ZNF251: variants seen among roughly 807,000 people sequenced by gnomAD.
ZNF251 encodes zinc finger protein 251.
A neutral mutation model predicts 13.5 loss-of-function variants in ZNF251; 14 were observed. That is an observed-to-expected ratio of 1.04 (90% CI 0.69 to 1.63). The LOEUF (loss-of-function observed/expected upper bound fraction) is 1.63. Among genes scored for constraint, ZNF251 ranks in the 40% most tolerant of loss-of-function variants. The pLI is 0.00. For missense variants in ZNF251, 764 were observed against 834.9 expected (o/e 0.92, Z 1.05); for synonymous variants, 287 against 295.2 (o/e 0.97, Z 0.28).
chr8:144,746,447 T>C (rs560796116), intron 4 of ZNF251, among the ~76,000 whole-genome samples: 3 of 152,364 alleles, frequency 2.0e-5, no homozygotes, highest in South Asian at 4.1e-4. Flanking sequence ...GTCTGTAGTT[T>C]CCTTTTCTTG....
At chr8:144,730,895 C>G (rs1481472186) in intron 4 of ZNF251, among the ~76,000 whole-genome samples, 2 of 152,244 alleles carry the variant, frequency 1.3e-5, no homozygotes, top group Non-Finnish European at 2.9e-5. Context: ...CTGACAAGAT[C>G]TTACTCAAGA....
At position 144,721,586 on chromosome 8, in the gene ZNF251, C is replaced by T; in HGVS notation, c.*58G>A. ...AGACCTTATATATCTTTCATTATGC[C>T]ATCTTATCTTCTAATGTCAAGTGAA... On this transcript the variant is annotated 3_prime_UTR_variant, in exon 5 of 5. Coordinates refer to ENST00000292562, the MANE Select transcript of ZNF251 (RefSeq NM_138367.2). The T allele has an allele frequency of 7.7e-7, 1 of 1,292,558 alleles. No individual in the cohort carries two copies. The highest frequency in any genetic ancestry group is 2.8e-5 in the East Asian group (1 of 35,818). 80.1% of individuals were successfully genotyped at this position (1,292,558 alleles called of 1,614,324 possible).
At chr8:144,748,432 T>G (rs151145206) in intron 4 of ZNF251, among the ~76,000 whole-genome samples, 5 of 152,362 alleles carry the variant, frequency 3.3e-5, no homozygotes, top group South Asian at 2.1e-4. Flanking sequence ...TTATGTTTTG[T>G]GTCTAAAGTA....
At chr8:144,738,478 C>A (rs566198090) in intron 4 of ZNF251, 1 of 888,674 alleles carries the variant, frequency 1.1e-6, no homozygotes, top group Non-Finnish European at 1.3e-6. Flanking sequence ...ATGGCAACTG[C>A]GGGACCAGGC....
At chr8:144,730,373 AC>A (rs1823658708) in intron 4 of ZNF251, among the ~76,000 whole-genome samples, 1 of 118,672 alleles carries the variant, frequency 8.4e-6, no homozygotes, top group African/African-American at 3.2e-5. Flanking sequence ...CGGGGGTGAC[AC>A]TGGCATGTGA....
intron 2 of ZNF251, 36 bp from the exon 3 acceptor site, chr8:144,754,357 C>T: frequency 6.4e-7 from 1 of 1,553,088 alleles, no homozygotes. Flanking sequence ...AGGCCATGCC[C>T]ACGGGGCAGC....
At chr8:144,738,281 C>A (rs1245064675) in intron 4 of ZNF251, among the ~76,000 whole-genome samples, 5 of 152,186 alleles carry the variant, frequency 3.3e-5, no homozygotes, top group Non-Finnish European at 7.3e-5. Flanking sequence ...CTGAACTCAA[C>A]AAGCCCCAAA....
chr8:144,750,347 G>A (rs1824636679), intron 4 of ZNF251, among the ~76,000 whole-genome samples: 2 of 152,160 alleles, frequency 1.3e-5, no homozygotes, highest in African/African-American at 2.4e-5. Context: ...GCTCAGTCTT[G>A]CTGAGCTTGT....
Position 144,724,026 on chromosome 8 carries a change from G to A in ZNF251, c.278-644C>T, listed in dbSNP as rs552466584. On this transcript the variant is annotated intron_variant, in intron 4 of 4. Transcript: ENST00000292562. Reference sequence around the variant, plus strand: ...TGGGAGGCCGAGGTGGGCGGATCACGAGGTCAGGAGATCGAGACCATCCTG... The same window carrying A: ...TGGGAGGCCGAGGTGGGCGGATCACAAGGTCAGGAGATCGAGACCATCCTG... 2.0e-5 allele frequency among the ~76,000 whole-genome samples: 3 copies of A among 152,196 alleles called. No individual in the cohort carries two copies. The South Asian group carries it at 6.2e-4, about 32-fold the overall frequency.
intron 4 of ZNF251, among the ~76,000 whole-genome samples, chr8:144,731,303 C>T (rs1193359189): frequency 3.3e-5 from 5 of 152,160 alleles, no homozygotes; most frequent in Non-Finnish European, 5.9e-5. Flanking sequence ...TGCAGTTCTT[C>T]GTCTTCCTCC....
intron 1 of ZNF251, 95 bp downstream of exon 1, chr8:144,755,310 C>T: frequency 2.3e-6 from 3 of 1,278,852 alleles, no homozygotes; most frequent in Non-Finnish European, 3.0e-6. Flanking sequence ...AGAACAGGCT[C>T]CTCCTGGACT....
chr8:144,722,327 T>TC lies in ZNF251; in HGVS notation c.1332dup (p.Ser445GlufsTer21). ...CTTCGATGCTGAACAAGAGTGGAAC[T>TC]CCGACGAAAGGCTTTGCCGCACTCA... On this transcript the variant is annotated frameshift_variant, in exon 5 of 5. Transcript: ENST00000292562. LOFTEE classifies it low-confidence loss of function (END_TRUNC). This position sits in a 1 kb window ranked among gnomAD's most constrained non-coding sequence, Gnocchi z 4.8. 6.2e-7 allele frequency: 1 copy of TC among 1,613,932 alleles called. No individual in the cohort carries two copies. The highest frequency in any genetic ancestry group is 1.6e-4 in the Middle Eastern group (1 of 6,062).
At chr8:144,753,071 A>C (rs1475591784) in intron 4 of ZNF251, among the ~76,000 whole-genome samples, 1 of 151,998 alleles carries the variant, frequency 6.6e-6, no homozygotes, top group African/African-American at 2.4e-5. Flanking sequence ...TCAAGAATTT[A>C]AGACCAGTTT....
At chr8:144,751,587 A>C (rs942808755) in intron 4 of ZNF251, among the ~76,000 whole-genome samples, 1 of 152,222 alleles carries the variant, frequency 6.6e-6, no homozygotes, top group African/African-American at 2.4e-5. Context: ...GCAAATAATA[A>C]AATTTAAATG....
At position 144,745,188 on chromosome 8, in the gene ZNF251, C is replaced by CTTTT. The variant is rs746070716; in HGVS notation, c.277+8491_277+8494dup. Among the ~76,000 whole-genome samples the CTTTT allele has an allele frequency of 7.5e-4, 86 of 114,604 alleles. 1 individual carries two copies. In the East Asian group the frequency reaches 0.016, roughly 22 times the overall value. The allele number at this position is 114,604 out of a possible 152,430, so 75.2% of individuals were successfully genotyped here. A position where few individuals can be genotyped will look rare whatever the true frequency, so the allele number is the denominator to read the frequency against. On this transcript the variant is annotated intron_variant, in intron 4 of 4. Transcript: ENST00000292562. ...ATTTTTTGTGATGGGTGTCTAGATTCTTTTTTTTTTTTTTTTTTTGGCACG... is the reference window on the plus strand; with the variant it reads ...ATTTTTTGTGATGGGTGTCTAGATTCTTTTTTTTTTTTTTTTTTTTTTTGGCACG...
intron 4 of ZNF251, among the ~76,000 whole-genome samples, chr8:144,728,983 G>A (rs537279967): frequency 6.0e-5 from 9 of 150,960 alleles, no homozygotes; most frequent in Admixed American, 6.0e-4. Context: ...AGCTACTTGG[G>A]AGGCTGAGGC....
chr8:144,736,424 G>A (rs1210779738), intron 4 of ZNF251, among the ~76,000 whole-genome samples: 2 of 151,916 alleles, frequency 1.3e-5, no homozygotes, highest in South Asian at 4.2e-4. Flanking sequence ...AGGGAATCAC[G>A]AACAAACCCT....
In ZNF251 at chr8:144,723,348, A is replaced by C; in HGVS notation, c.312T>G (p.Ile104Met). The change falls in exon 5 of 5, where the codon ATT becomes ATG. Residue 104 changes from isoleucine (I) to methionine (M), a missense_variant. Coordinates refer to ENST00000292562, the MANE Select transcript of ZNF251 (RefSeq NM_138367.2). ...SEVGTKKELSILNQKFSEEVK... is the reference protein window; with the variant it reads ...SEVGTKKELSMLNQKFSEEVK... ...CTTCTTCGGAAAATTTTTGGTTTAA[A>C]ATAGATAGTTCCTTCTTGGTCCCAA... 3 of 1,527,028 alleles carry C rather than the reference A, an allele frequency of 2.0e-6. No individual in the cohort carries two copies. The highest frequency in any genetic ancestry group is 2.6e-6 in the Non-Finnish European group (3 of 1,140,086). The allele number at this position is 1,527,028 out of a possible 1,614,324, so 94.6% of individuals were successfully genotyped here.
Position 144,722,711 on chromosome 8 carries a change from C to A in ZNF251, c.949G>T (p.Gly317Ter). The A allele has an allele frequency of 6.2e-7, 1 of 1,614,120 alleles. No individual in the cohort carries two copies. Among genetic ancestry groups the A allele is most frequent in the East Asian group, 2.2e-5 (1 of 44,884 alleles). Residue 317 changes from glycine (G) to a stop codon, truncating the protein, a stop_gained, in exon 5 of 5, where the codon GGA (glycine) becomes TGA (stop). Transcript: ENST00000292562. LOFTEE classifies it low-confidence loss of function (END_TRUNC). The surrounding 1 kb of genome is among the most constrained non-coding windows in gnomAD (Gnocchi z 4.8). ...TCATTACACTTGTAGGGTTTCTCTC[C>A]TGTGTGAATGATCCGATGTTGAATA... ...TLIQHRIIHT[G>*]EKPYKCNECG...
Sources: gnomAD v4.1 joint callset for allele counts (sites outside exome capture counted in the v4.1 genomes callset) on GRCh38, gnomAD v4.1.1 for gene constraint, Gnocchi (gnomAD v3.1) non-coding constraint, MANE v1.5 for transcripts, NCBI Gene and HGNC (gene_info 2026-07-23, HGNC 2026-07-21) for gene names.